LAMA3: variants seen among roughly 807,000 people sequenced by gnomAD.
LAMA3 encodes laminin subunit alpha 3.
In LAMA3, 281 loss-of-function variants were observed where a neutral mutation model predicts 402.0. The observed-to-expected ratio is 0.70, with a 90% CI of 0.63 to 0.77. The LOEUF (loss-of-function observed/expected upper bound fraction) is 0.77, where lower values mean the gene tolerates loss of function less well. LAMA3 is among the 30% of genes least tolerant of loss of function. The pLI, the probability that LAMA3 is intolerant of heterozygous loss-of-function variation, is 0.00. For missense variants in LAMA3, 3,840 were observed against 4,215.5 expected, an observed-to-expected ratio of 0.91 and a Z score of 2.47; for synonymous variants, 1,431 against 1,558.4, an observed-to-expected ratio of 0.92 and a Z score of 1.93.
chr18:23,751,092 A>C lies in LAMA3; in HGVS notation c.855+4A>C. The stretch of plus-strand genomic sequence containing the variant: ...AGATCCAACTGTCACTCGGCGGGTG[A>C]GTAGTCAGAGCATTTGTTTTGTTAC... On this transcript the variant is annotated splice_donor_region_variant and intron_variant, in intron 5 of 74. Transcript: ENST00000313654. 1 of 1,614,086 alleles carries C rather than the reference A, an allele frequency of 6.2e-7. No individual in the cohort carries two copies. Among genetic ancestry groups the C allele is most frequent in the East Asian group, 2.2e-5 (1 of 44,888 alleles).
chr18:23,767,578 CTT>C (rs71163640), intron 8 of LAMA3, among the ~76,000 whole-genome samples: 2 of 125,802 alleles, frequency 1.6e-5, no homozygotes, highest in Non-Finnish European at 1.6e-5. Flanking sequence ...TCTTTCTTTT[CTT>C]TTTTTTTTTT....
At chr18:23,838,924 C>G in intron 26 of LAMA3, 46 bp downstream of exon 26, 1 of 1,132,862 alleles carries the variant, frequency 8.8e-7, no homozygotes, top group South Asian at 1.2e-5. Context: ...CTGAGTGATA[C>G]TGGGATGAGT....
chr18:23,861,396 A>T (rs2064215973), intron 34 of LAMA3, among the ~76,000 whole-genome samples: 1 of 152,222 alleles, frequency 6.6e-6, no homozygotes, highest in Non-Finnish European at 1.5e-5. Context: ...AATGTCAAGA[A>T]CAATGATGTG....
In LAMA3 at chr18:23,939,253, A is replaced by C; in HGVS notation, c.8893A>C (p.Arg2965=). ...LLQDTPVASP[R]SVKVWQDACS... is the part of the protein sequence containing the mutation. ...GCAGGACACACCAGTGGCCTCCCCAAGGAGCGTGAAGGTGTGGCAAGATGC... is the reference window on the plus strand; with the variant it reads ...GCAGGACACACCAGTGGCCTCCCCACGGAGCGTGAAGGTGTGGCAAGATGC... Residue 2965 remains arginine (R), a synonymous_variant, in exon 68 of 75, where the codon AGG becomes CGG. Transcript: ENST00000313654. 1 of 1,614,236 alleles carries C rather than the reference A, an allele frequency of 6.2e-7. No homozygotes were observed.
chr18:23,905,001 G>A (rs2081196269), intron 51 of LAMA3, among the ~76,000 whole-genome samples: 2 of 151,972 alleles, frequency 1.3e-5, no homozygotes, highest in African/African-American at 2.4e-5. Flanking sequence ...TAGCCAAAAA[G>A]AGATATTTTT....
chr18:23,939,759 T>G (rs2082433824), intron 68 of LAMA3, among the ~76,000 whole-genome samples: 1 of 152,270 alleles, frequency 6.6e-6, no homozygotes. Flanking sequence ...CATTCTTTTT[T>G]GGTAGACGCA....
chr18:23,834,257 C>A, intron 24 of LAMA3: 1 of 442,764 alleles, frequency 2.3e-6, no homozygotes, highest in Non-Finnish European at 4.2e-6. Context: ...ACAGCACAAC[C>A]TTTTTATTTG....
chr18:23,815,962 G>T (rs560879414), intron 17 of LAMA3, among the ~76,000 whole-genome samples: 2 of 152,206 alleles, frequency 1.3e-5, no homozygotes, highest in Non-Finnish European at 2.9e-5. Flanking sequence ...GCCCCGCAAG[G>T]CTACTCTTGA....
Position 23,766,516 on chromosome 18 carries a change from G to A in LAMA3, c.1182+2993G>A, listed in dbSNP as rs560017876. Among the ~76,000 whole-genome samples, 7 of 152,274 alleles carry A rather than the reference G, an allele frequency of 4.6e-5. No individual in the cohort carries two copies. In the South Asian group the frequency reaches 1.5e-3, roughly 32 times the overall value. ...GGAAGAAATGAAGAGTATGGTATGTGTCTGGGCAAATATAAAGTACTATTT... is the reference window on the plus strand; with the variant it reads ...GGAAGAAATGAAGAGTATGGTATGTATCTGGGCAAATATAAAGTACTATTT... On this transcript the variant is annotated intron_variant, in intron 8 of 74. Coordinates refer to ENST00000313654, the MANE Select transcript of LAMA3 (RefSeq NM_198129.4).
intron 1 of LAMA3, among the ~76,000 whole-genome samples, chr18:23,690,872 A>ATTAATTAT (rs138069051): frequency 7.3e-5 from 10 of 136,952 alleles, no homozygotes; most frequent in South Asian, 2.4e-4. Flanking sequence ...AGGCCTGGCA[A>ATTAATTAT]TTATTTATTT....
intron 34 of LAMA3, 69 bp downstream of exon 34, chr18:23,858,898 C>T (rs536664045): frequency 6.1e-5 from 90 of 1,470,950 alleles, no homozygotes; most frequent in East Asian, 1.8e-4. Flanking sequence ...GCATATCCCT[C>T]GCTGCTCCTT....
At chr18:23,773,255 T>C (rs1443244528) in intron 8 of LAMA3, among the ~76,000 whole-genome samples, 2 of 152,262 alleles carry the variant, frequency 1.3e-5, no homozygotes, top group African/African-American at 4.8e-5. Context: ...CCTGGGCTTG[T>C]CCAGTTGATG....
chr18:23,832,855 TA>T (rs1179714619), intron 23 of LAMA3, among the ~76,000 whole-genome samples: 4 of 152,096 alleles, frequency 2.6e-5, no homozygotes, highest in African/African-American at 4.8e-5. Flanking sequence ...TACCATTGAG[TA>T]AAAAAAGCAA....
At chr18:23,775,504 A>G (rs1276840932) in intron 9 of LAMA3, among the ~76,000 whole-genome samples, 1 of 147,074 alleles carries the variant, frequency 6.8e-6, no homozygotes, top group Non-Finnish European at 1.5e-5. Flanking sequence ...TGACTGTAGC[A>G]TGCAGGCTTT....
chr18:23,934,587 A>G (rs2082258670), intron 67 of LAMA3, among the ~76,000 whole-genome samples: 1 of 152,212 alleles, frequency 6.6e-6, no homozygotes, highest in Admixed American at 6.5e-5. Context: ...CAAGGTCAAC[A>G]ATGTAACTTT....
intron 2 of LAMA3, among the ~76,000 whole-genome samples, chr18:23,727,987 G>A (rs1342252223): frequency 6.6e-6 from 1 of 152,114 alleles, no homozygotes; most frequent in African/African-American, 2.4e-5. Flanking sequence ...TCCTGCCTCG[G>A]CCTCCCAAAG....
chr18:23,755,267 A>C, intron 6 of LAMA3, among the ~76,000 whole-genome samples: 1 of 152,186 alleles, frequency 6.6e-6, no homozygotes, highest in East Asian at 1.9e-4. Context: ...CCTGCTTAGA[A>C]AGGCTACTGA....
chr18:23,843,469 C>T (rs558298504), intron 29 of LAMA3, among the ~76,000 whole-genome samples: 1 of 152,286 alleles, frequency 6.6e-6, no homozygotes, highest in African/African-American at 2.4e-5. Flanking sequence ...CAGAGTCTTT[C>T]TCTGCCGTGC....
rs373422305 is a variant in LAMA3, at chr18:23,839,657, T to C, written c.3192-128T>C. 32 of 926,198 alleles carry C rather than the reference T, an allele frequency of 3.5e-5. No homozygotes were observed. The highest frequency in any genetic ancestry group is 1.8e-4 in the East Asian group (7 of 39,192). 57.4% of individuals were successfully genotyped at this position (926,198 alleles called of 1,614,324 possible). On this transcript the variant is annotated intron_variant, in intron 26 of 74. Coordinates refer to ENST00000313654, the MANE Select transcript of LAMA3 (RefSeq NM_198129.4). The surrounding 1 kb of genome is among the most constrained non-coding windows in gnomAD (Gnocchi z 4.5). ...TATAAAGATCCCTAGAGTTCTGTGC[T>C]TCCCCCAGCACTGGATCCTTTTGAT...
Sources: allele counts gnomAD v4.1 joint callset (sites outside exome capture counted in the v4.1 genomes callset), GRCh38; gene constraint gnomAD v4.1.1; non-coding constraint Gnocchi (gnomAD v3.1); transcripts MANE v1.5; gene names NCBI Gene and HGNC (gene_info 2026-07-23, HGNC 2026-07-21).